AGBL4: variants seen among roughly 807,000 people sequenced by gnomAD.
AGBL4 encodes the protein cytosolic carboxypeptidase 6.
A neutral mutation model predicts 66.4 loss-of-function variants in AGBL4; 58 were observed. That is an observed-to-expected ratio of 0.87 (90% CI 0.71 to 1.09). The LOEUF (loss-of-function observed/expected upper bound fraction) is 1.09. Among genes scored for constraint, AGBL4 ranks in the 50% least tolerant of loss-of-function variants. The pLI, the probability that AGBL4 is intolerant of heterozygous loss-of-function variation, is 0.00. For missense variants in AGBL4, 579 were observed against 631.0 expected, an observed-to-expected ratio of 0.92 and a Z score of 0.88; for synonymous variants, 234 against 222.9, an observed-to-expected ratio of 1.05 and a Z score of -0.44.
At chr1:49,955,272 A>G (rs1656500610) in intron 1 of AGBL4, among the ~76,000 whole-genome samples, 1 of 152,024 alleles carries the variant, frequency 6.6e-6, no homozygotes, top group Admixed American at 6.6e-5. Context: ...TTCATTGAGT[A>G]TAATCAAACT....
chr1:49,226,948 C>T (rs1649958631), intron 4 of AGBL4, among the ~76,000 whole-genome samples: 1 of 152,160 alleles, frequency 6.6e-6, no homozygotes, highest in African/African-American at 2.4e-5. Flanking sequence ...AGCCCTTTCC[C>T]TGCTTATAGC....
chr1:48,895,543 G>A (rs1651419818), intron 5 of AGBL4, among the ~76,000 whole-genome samples: 1 of 152,244 alleles, frequency 6.6e-6, no homozygotes. Context: ...ATGGCAGAGA[G>A]CTGATTGCAC....
At chr1:48,687,855 C>T (rs2148488300) in intron 6 of AGBL4, among the ~76,000 whole-genome samples, 2 of 152,356 alleles carry the variant, frequency 1.3e-5, no homozygotes, top group Middle Eastern at 3.4e-3. Flanking sequence ...GCAGGCTTCC[C>T]TGAAGTTTCT....
chr1:49,024,878 T>C (rs941797572), intron 5 of AGBL4, among the ~76,000 whole-genome samples: 4 of 152,162 alleles, frequency 2.6e-5, no homozygotes, highest in African/African-American at 9.7e-5. Flanking sequence ...CTGGTGACTC[T>C]AGAGAGGTTA....
At chr1:49,346,186 ATTATGT>A (rs1292188190) in intron 3 of AGBL4, among the ~76,000 whole-genome samples, 44 of 152,146 alleles carry the variant, frequency 2.9e-4, no homozygotes, top group Non-Finnish European at 7.4e-5. Context: ...AGAGAGGAAA[ATTATGT>A]TTCAAAAACT....
chr1:48,551,287 C>T (rs1322431774), intron 11 of AGBL4, among the ~76,000 whole-genome samples: 1 of 152,162 alleles, frequency 6.6e-6, no homozygotes, highest in Non-Finnish European at 1.5e-5. Context: ...CTGTGTGAAC[C>T]TGGGCAGGCT....
chr1:49,002,133 T>C (rs1661437900), intron 5 of AGBL4, among the ~76,000 whole-genome samples: 1 of 152,212 alleles, frequency 6.6e-6, no homozygotes, highest in Non-Finnish European at 1.5e-5. Context: ...GTAACAATCA[T>C]GGAAAACACC....
At chr1:50,013,408 C>G (rs1661698667) in intron 1 of AGBL4, among the ~76,000 whole-genome samples, 1 of 152,076 alleles carries the variant, frequency 6.6e-6, no homozygotes, top group Non-Finnish European at 1.5e-5. Flanking sequence ...AATTACCCAC[C>G]ACTTTTATTA....
chr1:49,529,317 T>A (rs1409601945), intron 3 of AGBL4, among the ~76,000 whole-genome samples: 3 of 152,264 alleles, frequency 2.0e-5, no homozygotes, highest in African/African-American at 7.2e-5. Flanking sequence ...TTTATTTCCA[T>A]CTTGTATTAC....
chr1:48,920,843 T>C (rs1194009416), intron 5 of AGBL4, among the ~76,000 whole-genome samples: 1 of 151,672 alleles, frequency 6.6e-6, no homozygotes, highest in Non-Finnish European at 1.5e-5. Context: ...ATGCTGACTG[T>C]GGTAGTGGCA....
chr1:49,039,065 A>T (rs1664890415), intron 5 of AGBL4, among the ~76,000 whole-genome samples: 2 of 152,162 alleles, frequency 1.3e-5, no homozygotes. Flanking sequence ...ACTTAAGTGC[A>T]TGTCACGAAG....
chr1:49,636,534 T>C (rs570385094), intron 3 of AGBL4, among the ~76,000 whole-genome samples: 15 of 152,308 alleles, frequency 9.8e-5, no homozygotes, highest in South Asian at 8.3e-4. Context: ...ACAATGGATA[T>C]ATGGAAATGA....
At chr1:49,341,205 C>T (rs1185137843) in intron 3 of AGBL4, among the ~76,000 whole-genome samples, 1 of 152,138 alleles carries the variant, frequency 6.6e-6, no homozygotes, top group Non-Finnish European at 1.5e-5. Flanking sequence ...ATCCAAAAAA[C>T]CCTCTCTTGG....
intron 2 of AGBL4, among the ~76,000 whole-genome samples, chr1:49,823,725 G>A (rs578044251): frequency 3.3e-5 from 5 of 151,308 alleles, no homozygotes; most frequent in African/African-American, 1.2e-4. Flanking sequence ...TTTAAGTCAT[G>A]TTCACTTCTG....
At chr1:50,017,498 C>T (rs1408620277) in intron 1 of AGBL4, 1 of 152,032 alleles carries the variant, frequency 6.6e-6, no homozygotes, top group African/African-American at 2.4e-5. Context: ...TAGCCTACTC[C>T]TCAATTATTA....
intron 5 of AGBL4, among the ~76,000 whole-genome samples, chr1:49,017,386 C>G (rs767747258): frequency 6.6e-6 from 1 of 152,110 alleles, no homozygotes; most frequent in Non-Finnish European, 1.5e-5. Context: ...TTATACAAAC[C>G]TGGATTAGAG....
chr1:49,556,144 T>C (rs150105776), intron 3 of AGBL4, among the ~76,000 whole-genome samples: 1 of 151,916 alleles, frequency 6.6e-6, no homozygotes, highest in East Asian at 1.9e-4. Flanking sequence ...GTCCAACAAT[T>C]ATAGACTGGA....
intron 9 of AGBL4, among the ~76,000 whole-genome samples, chr1:48,591,885 T>G (rs1644924301): frequency 6.6e-6 from 1 of 152,210 alleles, no homozygotes; most frequent in South Asian, 2.1e-4. Context: ...AGGAGGATTG[T>G]CTATAAAGAG....
chr1:48,748,410 G>A (rs1172169516), intron 6 of AGBL4, among the ~76,000 whole-genome samples: 1 of 152,234 alleles, frequency 6.6e-6, no homozygotes, highest in Non-Finnish European at 1.5e-5. Context: ...AGGTGGAACT[G>A]AGTGCTTCAC....
Sources: gnomAD v4.1 joint callset for allele counts (sites outside exome capture counted in the v4.1 genomes callset) on GRCh38, gnomAD v4.1.1 for gene constraint, MANE v1.5 for transcripts, NCBI Gene and HGNC (gene_info 2026-07-23, HGNC 2026-07-21) for gene names.